The following IFT74 variants were observed in gnomAD, a reference collection of about 807,000 sequenced individuals.
The protein encoded by IFT74 is intraflagellar transport 74.
Under a neutral mutation model 96.7 loss-of-function variants are expected in IFT74, and 92 were observed. That is an observed-to-expected ratio of 0.95 (90% CI 0.80 to 1.13). IFT74 has a LOEUF of 1.13. IFT74 is among the 50% of genes most tolerant of loss of function. The pLI, the probability that IFT74 is intolerant of heterozygous loss-of-function variation, is 0.00. For missense variants in IFT74, 811 were observed against 698.2 expected, an observed-to-expected ratio of 1.16 and a Z score of -1.82; for synonymous variants, 223 against 213.2, an observed-to-expected ratio of 1.05 and a Z score of -0.40.
chr9:26,998,408 A>G (rs1828289061), intron 8 of IFT74, among the ~76,000 whole-genome samples: 3 of 152,178 alleles, frequency 2.0e-5, no homozygotes, highest in African/African-American at 7.2e-5. Flanking sequence ...CTTTATTGGG[A>G]TGAAATACTA....
upstream of IFT74, chr9:26,955,837 T>TTAAA (rs1435230715): frequency 1.5e-5 from 2 of 134,248 alleles, no homozygotes; most frequent in African/African-American, 5.4e-5. Context: ...GTTCTTAAAT[T>TTAAA]AAAAAAAAAA....
Position 27,062,816 on chromosome 9 carries a change from A to G in IFT74, c.*80A>G. The G allele has an allele frequency of 1.3e-6, 1 of 778,798 alleles. No individual in the cohort carries two copies. The highest frequency in any genetic ancestry group is 1.8e-5 in the South Asian group (1 of 56,494). 48.2% of individuals were successfully genotyped at this position (778,798 alleles called of 1,614,324 possible). A position where few individuals can be genotyped will look rare whatever the true frequency, so the allele number is the denominator to read the frequency against. On this transcript the variant is annotated 3_prime_UTR_variant, in exon 20 of 20. Transcript: ENST00000380062. ...ACAAGTTGACTACCAAAAAAAAAAA[A>G]AGCTTACTTTTGGAGTTTACCTAAA...
rs528924656 is a variant in IFT74, at chr9:27,050,056, T to C, written c.1333+1782T>C. 7.2e-5 allele frequency among the ~76,000 whole-genome samples: 11 copies of C among 152,178 alleles called. 1 individual carries two copies. The South Asian group carries it at 2.3e-3, about 32-fold the overall frequency. ...TCAATTAGGACTAGCCTTATTTATT[T>C]ATTTATTTATTTATTTATGAGACAG... On this transcript the variant is annotated intron_variant, in intron 16 of 19. Coordinates refer to ENST00000380062, the MANE Select transcript of IFT74 (RefSeq NM_025103.4).
At chr9:26,987,900 TAAAG>T (rs1646002518) in intron 6 of IFT74, among the ~76,000 whole-genome samples, 1 of 152,194 alleles carries the variant, frequency 6.6e-6, no homozygotes, top group Admixed American at 6.5e-5. Context: ...TATTAGAAGA[TAAAG>T]AATATCTTTT....
rs1325548269 is a variant in IFT74 at position 27,037,524 on chromosome 9, G to A, written c.1055-7218G>A. ...CCAGAAGAGCTCAAGAAACTCAGAA[G>A]ACAAAGGATACCTTTCATAGCAAGT... On this transcript the variant is annotated intron_variant, in intron 13 of 19. Transcript: ENST00000380062. 2.6e-5 allele frequency among the ~76,000 whole-genome samples: 4 copies of A among 152,184 alleles called. No homozygotes were observed. In the East Asian group the frequency reaches 7.7e-4, roughly 29 times the overall value.
chr9:27,057,094 G>A (rs1057400531), intron 18 of IFT74, among the ~76,000 whole-genome samples: 1 of 151,954 alleles, frequency 6.6e-6, no homozygotes, highest in Non-Finnish European at 1.5e-5. Flanking sequence ...TGATATTCTA[G>A]TGCATGGATG....
At chr9:27,025,070 C>G (rs999275315) in intron 12 of IFT74, among the ~76,000 whole-genome samples, 2 of 151,438 alleles carry the variant, frequency 1.3e-5, no homozygotes, top group African/African-American at 4.9e-5. Context: ...AGAAGACAAA[C>G]CTGTAAGTTT....
At chr9:26,948,453 T>A (rs865841873) in intron 1 of IFT74, among the ~76,000 whole-genome samples, 2,357 of 36,588 alleles carry the variant, frequency 0.064, 25 homozygotes, top group South Asian at 0.29. Flanking sequence ...CCATTATTTT[T>A]TTTTTTTTTT....
chr9:27,011,167 G>A (rs1829046415), intron 9 of IFT74, among the ~76,000 whole-genome samples: 1 of 152,118 alleles, frequency 6.6e-6, no homozygotes, highest in Non-Finnish European at 1.5e-5. Context: ...GCAGGTACTT[G>A]GTTGATCCCG....
chr9:27,044,629 C>T, intron 13 of IFT74, 113 bp from the exon 14 acceptor site: 1 of 601,500 alleles, frequency 1.7e-6, no homozygotes. Context: ...CCTAATCGAA[C>T]ACGTCGAATA....
intron 13 of IFT74, among the ~76,000 whole-genome samples, chr9:27,036,079 A>C (rs1209484276): frequency 1.3e-5 from 2 of 152,254 alleles, no homozygotes; most frequent in African/African-American, 4.8e-5. Context: ...AGAGAAAAGA[A>C]AATGTTATTA....
rs1483789135 is a variant in IFT74 at position 26,978,297 on chromosome 9, C to T, written c.256+34C>T. On this transcript the variant is annotated intron_variant, in intron 3 of 19. Coordinates refer to ENST00000380062, the MANE Select transcript of IFT74 (RefSeq NM_025103.4). ...TTTAAGATAAGTATGACACTTGGGC[C>T]TGTGTTTTGTAAGAAATAAATAACT... 3.1e-6 allele frequency: 5 copies of T among 1,594,856 alleles called. No individual in the cohort carries two copies. In the South Asian group the frequency reaches 4.6e-5, roughly 15 times the overall value.
intron 3 of IFT74, among the ~76,000 whole-genome samples, chr9:26,980,187 T>C (rs1027030322): frequency 6.6e-6 from 1 of 152,212 alleles, no homozygotes; most frequent in Admixed American, 6.5e-5. Flanking sequence ...AGCCAAATTT[T>C]AAGTGCTTCT....
At chr9:27,033,356 G>A (rs982212387) in intron 13 of IFT74, among the ~76,000 whole-genome samples, 4 of 151,870 alleles carry the variant, frequency 2.6e-5, no homozygotes, top group Non-Finnish European at 1.5e-5. Flanking sequence ...TCAGAAGTTC[G>A]AGACCAGCCT....
chr9:27,055,714 A>C lies in IFT74; in HGVS notation c.1439A>C (p.Asp480Ala). 1 of 1,588,836 alleles carries C rather than the reference A, an allele frequency of 6.3e-7. No homozygotes were observed. Among genetic ancestry groups the C allele is most frequent in the South Asian group, 1.2e-5 (1 of 85,834 alleles). Residue 480 changes from aspartate to alanine, a missense_variant, in exon 17 of 20, where the codon GAT (aspartate) becomes GCT (alanine). Coordinates refer to ENST00000380062, the MANE Select transcript of IFT74 (RefSeq NM_025103.4). ...LKSKIKQMTT[D>A]LEIYNDLPAL... is the part of the protein sequence containing the mutation. Reference sequence around the variant, plus strand: ...AGCAAAATTAAGCAAATGACAACTGATCTGGAGATATATAATGATTTGCCA... The same window carrying C: ...AGCAAAATTAAGCAAATGACAACTGCTCTGGAGATATATAATGATTTGCCA...
intron 18 of IFT74, among the ~76,000 whole-genome samples, chr9:27,059,463 T>G: frequency 6.6e-6 from 1 of 152,246 alleles, no homozygotes; most frequent in East Asian, 1.9e-4. Context: ...ACCATTCCTG[T>G]AGCACTTAAC....
chr9:26,985,536 A>G (rs1425073434), intron 6 of IFT74, among the ~76,000 whole-genome samples: 2 of 152,270 alleles, frequency 1.3e-5, no homozygotes, highest in East Asian at 1.9e-4. Context: ...ACATGAATAC[A>G]TACTTATTGG....
Position 26,956,442 on chromosome 9 carries a change from A to C in IFT74, c.-94A>C, listed in dbSNP as rs1209829679. 6.6e-6 allele frequency: 1 copy of C among 152,232 alleles called. No homozygotes were observed. The highest frequency in any genetic ancestry group is 1.9e-4 in the East Asian group (1 of 5,180). 9.4% of individuals were successfully genotyped at this position (152,232 alleles called of 1,614,324 possible). A position where few individuals can be genotyped will look rare whatever the true frequency, so the allele number is the denominator to read the frequency against. ...GTGGGTAGGCCTGAGAGCCGAGGAA[A>C]ACTGAGCGTGGGCCTCAGAAAGAAG... On this transcript the variant is annotated 5_prime_UTR_variant, in exon 1 of 20. Coordinates refer to ENST00000380062, the MANE Select transcript of IFT74 (RefSeq NM_025103.4).
In IFT74 at chr9:27,009,101, T is replaced by A. The variant is rs1250009275; in HGVS notation, c.669T>A (p.Ser223=). ...QATDDIIKNM[S]FENQVKYLEM... ...CAGATGACATTATCAAAAATATGTC[T>A]TTTGAAAACCAAGTCAAGTACCTAG... Residue 223 remains serine (S), a synonymous_variant, in exon 9 of 20, where the codon TCT becomes TCA. Coordinates refer to ENST00000380062, the MANE Select transcript of IFT74 (RefSeq NM_025103.4). 5 of 1,613,108 alleles carry A rather than the reference T, an allele frequency of 3.1e-6. No homozygotes were observed.
Sources: allele counts gnomAD v4.1 joint callset (sites outside exome capture counted in the v4.1 genomes callset), GRCh38; gene constraint gnomAD v4.1.1; transcripts MANE v1.5; gene names NCBI Gene and HGNC (gene_info 2026-07-23, HGNC 2026-07-21).